Variants in ANKRD42 observed in about 807,000 individuals in gnomAD.
The protein encoded by ANKRD42 is ankyrin repeat domain 42, also known as ankyrin repeat domain-containing protein 42.
ANKRD42 carries 43 observed loss-of-function variants against 51.5 expected under a neutral mutation model. The observed-to-expected ratio is 0.83, with a 90% CI of 0.65 to 1.08. The LOEUF (loss-of-function observed/expected upper bound fraction) is 1.08. Ranked by LOEUF, ANKRD42 falls within the 50% of genes least tolerant of loss-of-function variation. The pLI is 0.00. For synonymous variants in ANKRD42, 203 were observed against 213.0 expected (o/e 0.95, Z 0.41); for missense variants, 608 against 629.3 (o/e 0.97, Z 0.36).
At chr11:83,229,035 A>G (rs1376704732) in intron 7 of ANKRD42, among the ~76,000 whole-genome samples, 2 of 151,652 alleles carry the variant, frequency 1.3e-5, no homozygotes, top group African/African-American at 4.9e-5. Context: ...TGCAGACTGG[A>G]TGGCTTAAGC....
intron 5 of ANKRD42, among the ~76,000 whole-genome samples, chr11:83,215,825 T>C (rs1862509514): frequency 2.0e-5 from 3 of 152,194 alleles, no homozygotes; most frequent in Admixed American, 2.0e-4. Context: ...AGATGGAGTC[T>C]TGCTCTGCTA....
At chr11:83,207,413 A>G (rs1320926399) in intron 3 of ANKRD42, among the ~76,000 whole-genome samples, 1 of 152,234 alleles carries the variant, frequency 6.6e-6, no homozygotes, top group Non-Finnish European at 1.5e-5. Context: ...AGCAAAATGT[A>G]TGATTAAAGT....
At chr11:83,203,008 T>C (rs1001068511) in intron 2 of ANKRD42, among the ~76,000 whole-genome samples, 3 of 139,838 alleles carry the variant, frequency 2.1e-5, no homozygotes, top group African/African-American at 5.2e-5. Context: ...TTTTTTTTTT[T>C]CAGACAGGGT....
chr11:83,194,981 A>G (rs1861582715), intron 1 of ANKRD42, among the ~76,000 whole-genome samples: 1 of 152,174 alleles, frequency 6.6e-6, no homozygotes, highest in Non-Finnish European at 1.5e-5. Context: ...ACTCTTGTTC[A>G]GTCTTAATGG....
At chr11:83,207,257 A>G (rs370362362) in intron 3 of ANKRD42, among the ~76,000 whole-genome samples, 1 of 152,298 alleles carries the variant, frequency 6.6e-6, no homozygotes, top group African/African-American at 2.4e-5. Flanking sequence ...TGTCCCTCCC[A>G]TGACACGTGG....
Position 83,248,726 on chromosome 11 carries a change from T to TA in ANKRD42, c.*526dup. 1 of 976,132 alleles carries TA rather than the reference T, an allele frequency of 1.0e-6. No homozygotes were observed. Among genetic ancestry groups the TA allele is most frequent in the South Asian group, 4.7e-5 (1 of 21,094 alleles). The allele number at this position is 976,132 out of a possible 1,614,324, so 60.5% of individuals were successfully genotyped here. On this transcript the variant is annotated 3_prime_UTR_variant, in exon 11 of 11. Coordinates refer to ENST00000533342, the MANE Select transcript of ANKRD42 (RefSeq NM_001300975.2). The stretch of plus-strand genomic sequence containing the variant: ...AACCACTTTAAAAATATTAAAATAA[T>TA]AAAACATGTTTGTTGTATAGTGTTA...
Position 83,240,820 on chromosome 11 carries a change from G to A in ANKRD42, c.1081G>A (p.Glu361Lys), listed in dbSNP as rs765366717. ...EELQKYDIDD[E>K]NEIDENDVKY... The stretch of plus-strand genomic sequence containing the variant: ...GCTACAGAAATATGATATAGATGAC[G>A]AAAATGAAATTGATGAAAATGATGT... Residue 361 changes from glutamate to lysine, a missense_variant, in exon 9 of 11, where the codon GAA becomes AAA. Transcript: ENST00000533342. The A allele has an allele frequency of 1.7e-4, 278 of 1,613,934 alleles. No individual in the cohort carries two copies. Among genetic ancestry groups the A allele is most frequent in the Non-Finnish European group, 2.2e-4 (265 of 1,179,988 alleles).
At chr11:83,208,365 T>TTG (rs747551565) in intron 3 of ANKRD42, among the ~76,000 whole-genome samples, 6,697 of 150,370 alleles carry the variant, frequency 0.045, 422 homozygotes, top group African/African-American at 0.14. Flanking sequence ...GTGTGTGTGT[T>TTG]TGTGTGTGTG....
chr11:83,260,881 T>C (rs912990929), downstream of ANKRD42: 2 of 152,216 alleles, frequency 1.3e-5, no homozygotes, highest in Admixed American at 1.3e-4. Context: ...GAGTAGGTAC[T>C]AGATATCAAT....
rs868142555 is a variant in ANKRD42 at position 83,194,134 on chromosome 11, G to A, written c.-537G>A. On this transcript the variant is annotated 5_prime_UTR_variant, in exon 1 of 11. Coordinates refer to ENST00000533342, the MANE Select transcript of ANKRD42 (RefSeq NM_001300975.2). ...CTGCTCTTGGGAGAGAGTTAGGGGA[G>A]ACAGCACCTTCTGCAGCAGCGACGT... 1.1e-5 allele frequency: 5 copies of A among 456,706 alleles called. No homozygotes were observed. In the Middle Eastern group the frequency reaches 1.6e-3, roughly 149 times the overall value. 28.3% of individuals were successfully genotyped at this position (456,706 alleles called of 1,614,324 possible). A position where few individuals can be genotyped will look rare whatever the true frequency, so the allele number is the denominator to read the frequency against.
chr11:83,234,034 T>C (rs1863157851), intron 7 of ANKRD42, among the ~76,000 whole-genome samples: 1 of 152,228 alleles, frequency 6.6e-6, no homozygotes, highest in African/African-American at 2.4e-5. Flanking sequence ...TAGGCACTTA[T>C]AACTACAATA....
At chr11:83,231,639 C>T (rs669708) in intron 7 of ANKRD42, among the ~76,000 whole-genome samples, 108,301 of 152,080 alleles carry the variant, frequency 0.71, 39,333 homozygotes, top group African/African-American at 0.84. Context: ...GACCAATGTC[C>T]TGGAGAGTTT....
rs1379975766 is a variant in ANKRD42, at chr11:83,194,057, G to A, written c.-614G>A. 1 of 456,438 alleles carries A rather than the reference G, an allele frequency of 2.2e-6. No individual in the cohort carries two copies. Among genetic ancestry groups the A allele is most frequent in the East Asian group, 6.9e-5 (1 of 14,412 alleles). The allele number at this position is 456,438 out of a possible 1,614,324, so 28.3% of individuals were successfully genotyped here. A position where few individuals can be genotyped will look rare whatever the true frequency, so the allele number is the denominator to read the frequency against. On this transcript the variant is annotated 5_prime_UTR_variant, in exon 1 of 11. Transcript: ENST00000533342. ...AGGGTCAGTGAAAACCTCGGCCACTGCCGCAGCGTCTCTAGGGAGAGAGTT... is the reference window on the plus strand; with the variant it reads ...AGGGTCAGTGAAAACCTCGGCCACTACCGCAGCGTCTCTAGGGAGAGAGTT...
chr11:83,219,844 A>G (rs11233527), intron 5 of ANKRD42, among the ~76,000 whole-genome samples: 2 of 152,206 alleles, frequency 1.3e-5, no homozygotes, highest in Non-Finnish European at 2.9e-5. Context: ...ACGCTATGGT[A>G]GGGAACTGGC....
At chr11:83,227,678 T>C in intron 6 of ANKRD42, 69 bp from the exon 7 acceptor site, 1 of 1,497,912 alleles carries the variant, frequency 6.7e-7, no homozygotes, top group Non-Finnish European at 8.9e-7. Flanking sequence ...CTGAAATATA[T>C]GACAGCTTAA....
chr11:83,216,174 C>T (rs1013153430), intron 5 of ANKRD42, among the ~76,000 whole-genome samples: 1 of 152,154 alleles, frequency 6.6e-6, no homozygotes, highest in South Asian at 2.1e-4. Flanking sequence ...GTCTTTTAGT[C>T]TCATACTGGA....
chr11:83,227,727 C>T lies in ANKRD42; in HGVS notation c.788-20C>T, dbSNP rs1862932545. ...ATAAACTCTTATGTTTATTGAAATG[C>T]TGAATTTTTTTATTCATAGCTTTAG... On this transcript the variant is annotated intron_variant, in intron 6 of 10. Transcript: ENST00000533342. 5 of 1,594,580 alleles carry T rather than the reference C, an allele frequency of 3.1e-6. No individual in the cohort carries two copies. The highest frequency in any genetic ancestry group is 4.5e-5 in the East Asian group (2 of 44,660).
intron 9 of ANKRD42, among the ~76,000 whole-genome samples, chr11:83,241,558 C>T (rs1248638658): frequency 6.6e-6 from 1 of 151,858 alleles, no homozygotes; most frequent in Admixed American, 6.6e-5. Context: ...ACGTAAAGGC[C>T]ATTATGTAGC....
At chr11:83,205,188 A>G (rs1862022763) in intron 2 of ANKRD42, among the ~76,000 whole-genome samples, 1 of 152,214 alleles carries the variant, frequency 6.6e-6, no homozygotes, top group Admixed American at 6.5e-5. Context: ...ATGTAAAACC[A>G]GTACATGAAT....
Sources: gnomAD v4.1 joint callset for allele counts (sites outside exome capture counted in the v4.1 genomes callset) on GRCh38, gnomAD v4.1.1 for gene constraint, MANE v1.5 for transcripts, NCBI Gene and HGNC (gene_info 2026-07-23, HGNC 2026-07-21) for gene names.